The following PCDHGA1 variants were observed in gnomAD, a reference collection of about 807,000 sequenced individuals.
PCDHGA1 encodes protocadherin gamma-A1.
Under a neutral mutation model 58.0 loss-of-function variants are expected in PCDHGA1, and 32 were observed. The observed-to-expected ratio is 0.55, with a 90% CI of 0.42 to 0.74. The LOEUF (loss-of-function observed/expected upper bound fraction) is 0.74. Ranked by LOEUF, PCDHGA1 falls within the 30% of genes least tolerant of loss-of-function variation. The pLI is 0.00. For synonymous variants in PCDHGA1, 498 were observed against 501.1 expected, an observed-to-expected ratio of 0.99 and a Z score of 0.08; for missense variants, 1,205 against 1,182.3, an observed-to-expected ratio of 1.02 and a Z score of -0.28.
chr5:141,358,749 T>C (rs1761008205), intron 1 of PCDHGA1, among the ~76,000 whole-genome samples: 1 of 152,256 alleles, frequency 6.6e-6, no homozygotes. Context: ...TCTTTTCTCT[T>C]GTCATCATGT....
chr5:141,364,408 A>G (rs573254227), intron 1 of PCDHGA1: 30 of 1,610,674 alleles, frequency 1.9e-5, no homozygotes, highest in Non-Finnish European at 2.4e-5. Flanking sequence ...TGTGCGAGCC[A>G]GGATCCGGGC....
At chr5:141,470,034 C>T (rs1209263598) in intron 1 of PCDHGA1, among the ~76,000 whole-genome samples, 2 of 152,086 alleles carry the variant, frequency 1.3e-5, no homozygotes, top group Non-Finnish European at 2.9e-5. Flanking sequence ...GATGCTGAGG[C>T]GCGAGAACTG....
At chr5:141,355,297 T>C in intron 1 of PCDHGA1, 2 of 1,613,906 alleles carry the variant, frequency 1.2e-6, no homozygotes, top group South Asian at 1.1e-5. Flanking sequence ...ACAGATTCTC[T>C]ACTCGGTGTT....
At chr5:141,415,081 C>T in intron 1 of PCDHGA1, 1 of 1,613,522 alleles carries the variant, frequency 6.2e-7, no homozygotes, top group Non-Finnish European at 8.5e-7. Context: ...GGCGCGAGCC[C>T]TGCTGGACAG....
intron 1 of PCDHGA1, chr5:141,409,550 C>T (rs764101999): frequency 1.9e-6 from 3 of 1,613,992 alleles, no homozygotes; most frequent in African/African-American, 2.7e-5. Context: ...CGACAACGCC[C>T]CAGTTTTCGA....
intron 1 of PCDHGA1, chr5:141,405,066 T>G: frequency 1.2e-6 from 2 of 1,613,866 alleles, no homozygotes; most frequent in South Asian, 2.2e-5. Context: ...TGTGTCTTCC[T>G]CACCTTCGTT....
intron 1 of PCDHGA1, among the ~76,000 whole-genome samples, chr5:141,335,225 A>G (rs953985032): frequency 6.6e-6 from 1 of 152,182 alleles, no homozygotes; most frequent in Admixed American, 6.5e-5. Flanking sequence ...CTGTGTATAT[A>G]CAAGTGAGCT....
At chr5:141,409,893 A>G in intron 1 of PCDHGA1, 2 of 1,613,138 alleles carry the variant, frequency 1.2e-6, no homozygotes, top group Middle Eastern at 3.3e-4. Flanking sequence ...CGGGTGCTGT[A>G]CCCAGCTCTG....
chr5:141,490,065 C>A lies in PCDHGA1; in HGVS notation c.2422-4742C>A, dbSNP rs1161257597. ...CTGATCCAGACGAGGGCACCAACGG[C>A]CAACTAGACTATTCTTTTGGAGACC... On this transcript the variant is annotated intron_variant, in intron 1 of 3. Coordinates refer to ENST00000517417, the MANE Select transcript of PCDHGA1 (RefSeq NM_018912.3). This position sits in a 1 kb window ranked among gnomAD's most constrained non-coding sequence, Gnocchi z 5.4. 1 of 1,614,258 alleles carries A rather than the reference C, an allele frequency of 6.2e-7. No individual in the cohort carries two copies. Among genetic ancestry groups the A allele is most frequent in the South Asian group, 1.1e-5 (1 of 91,090 alleles).
chr5:141,443,172 C>T (rs1454734622), intron 1 of PCDHGA1, among the ~76,000 whole-genome samples: 1 of 152,176 alleles, frequency 6.6e-6, no homozygotes, highest in Non-Finnish European at 1.5e-5. Flanking sequence ...CTACCCATGT[C>T]CACTGCATCA....
intron 1 of PCDHGA1, chr5:141,484,875 T>G: frequency 3.2e-6 from 1 of 317,108 alleles, no homozygotes; most frequent in Non-Finnish European, 5.8e-6. Context: ...GCGTGGAGGA[T>G]AGGGTGGGCT....
chr5:141,420,905 T>TA (rs545324172), intron 1 of PCDHGA1: 3 of 299,970 alleles, frequency 1.0e-5, no homozygotes, highest in Non-Finnish European at 1.9e-5. Flanking sequence ...GCTCTACAAA[T>TA]ACGTGTGATT....
rs751905674 is a variant in PCDHGA1, at chr5:141,408,643, C to A, written c.2421+75538C>A. On this transcript the variant is annotated intron_variant, in intron 1 of 3. Coordinates refer to ENST00000517417, the MANE Select transcript of PCDHGA1 (RefSeq NM_018912.3). ...ATTTAGAAATTTTCGAATCTGCATCCGCTGGTACACGACTATCGCTTGACC... is the reference window on the plus strand; with the variant it reads ...ATTTAGAAATTTTCGAATCTGCATCAGCTGGTACACGACTATCGCTTGACC... 13 of 1,613,792 alleles carry A rather than the reference C, an allele frequency of 8.1e-6. No homozygotes were observed. The African/African-American group carries it at 1.6e-4, about 20-fold the overall frequency.
At chr5:141,422,588 C>A in intron 1 of PCDHGA1, 1 of 1,614,056 alleles carries the variant, frequency 6.2e-7, no homozygotes, top group South Asian at 1.1e-5. Flanking sequence ...CCCGTTTTTC[C>A]TCACTCCTCT....
intron 1 of PCDHGA1, among the ~76,000 whole-genome samples, chr5:141,455,172 G>GT (rs1344126228): frequency 3.3e-5 from 5 of 150,340 alleles, no homozygotes; most frequent in South Asian, 4.2e-4. Context: ...TTTTTTTTTA[G>GT]TTTTTTTATT....
rs749347013 is a variant in PCDHGA1, at chr5:141,476,739, C to G, written c.2422-18068C>G. 6.2e-7 allele frequency: 1 copy of G among 1,614,068 alleles called. No individual in the cohort carries two copies. Among genetic ancestry groups the G allele is most frequent in the South Asian group, 1.1e-5 (1 of 91,088 alleles). On this transcript the variant is annotated intron_variant, in intron 1 of 3. Transcript: ENST00000517417. The surrounding 1 kb of genome is among the most constrained non-coding windows in gnomAD (Gnocchi z 7.6). Reference sequence around the variant, plus strand: ...CGCGCCCTGGACCGAGAACGGGAGCCTAGTCTCCAGTTAGTGCTGACGGCG... The same window carrying G: ...CGCGCCCTGGACCGAGAACGGGAGCGTAGTCTCCAGTTAGTGCTGACGGCG...
At chr5:141,410,266 G>A in intron 1 of PCDHGA1, 1 of 1,614,036 alleles carries the variant, frequency 6.2e-7, no homozygotes, top group South Asian at 1.1e-5. Context: ...AGGCTGAACT[G>A]CAGTTTTACC....
chr5:141,390,095 T>C lies in PCDHGA1; in HGVS notation c.2421+56990T>C, dbSNP rs763642761. 3 of 1,613,972 alleles carry C rather than the reference T, an allele frequency of 1.9e-6. No individual in the cohort carries two copies. In the South Asian group the frequency reaches 3.3e-5, roughly 18 times the overall value. ...TCTGTGTTAAATCCGAATCCGTGGT[T>C]CCCCCCAACTACAGCGAGGGGACTT... On this transcript the variant is annotated intron_variant, in intron 1 of 3. Coordinates refer to ENST00000517417, the MANE Select transcript of PCDHGA1 (RefSeq NM_018912.3).
chr5:141,499,047 GA>G (rs2099789201), intron 2 of PCDHGA1, among the ~76,000 whole-genome samples: 1 of 151,580 alleles, frequency 6.6e-6, no homozygotes, highest in South Asian at 2.1e-4. Flanking sequence ...GAAAAAGGGA[GA>G]AAAAATGAAG....
Sources: allele counts gnomAD v4.1 joint callset (sites outside exome capture counted in the v4.1 genomes callset), GRCh38; gene constraint gnomAD v4.1.1; non-coding constraint Gnocchi (gnomAD v3.1); transcripts MANE v1.5; gene names NCBI Gene and HGNC (gene_info 2026-07-23, HGNC 2026-07-21).